EML6: variants seen among roughly 807,000 people sequenced by gnomAD.
EML6 encodes EMAP like 6, also known as echinoderm microtubule-associated protein-like 6.
Under a neutral mutation model 240.1 loss-of-function variants are expected in EML6, and 154 were observed. The observed-to-expected ratio is 0.64, with a 90% CI of 0.56 to 0.73. EML6 has a LOEUF of 0.73. EML6 is among the 30% of genes least tolerant of loss of function. EML6 has a pLI of 0.00. For synonymous variants in EML6, 1,148 were observed against 899.0 expected (o/e 1.28, Z -4.95); for missense variants, 2,964 against 2,474.6 (o/e 1.20, Z -4.20).
chr2:54,951,119 T>C (rs542210152), intron 30 of EML6, among the ~76,000 whole-genome samples: 9 of 152,288 alleles, frequency 5.9e-5, no homozygotes, highest in African/African-American at 2.2e-4. Flanking sequence ...CATGAAGAAA[T>C]CACAGAACTT....
In EML6 at chr2:54,922,436, T is replaced by G. The variant is rs142399463; in HGVS notation, c.3675+5501T>G. On this transcript the variant is annotated intron_variant, in intron 26 of 41. Transcript: ENST00000356458. ...GGAAGGGAACCCTTGTACACTGTTA[T>G]GCCCACCAACAGTGTACAAATTGGT... 1.3e-3 allele frequency among the ~76,000 whole-genome samples: 191 copies of G among 152,256 alleles called. 3 individuals carry two copies. The highest frequency in any genetic ancestry group is 8.9e-3 in the Admixed American group (136 of 15,298).
intron 13 of EML6, among the ~76,000 whole-genome samples, chr2:54,865,426 T>C (rs1670921732): frequency 6.6e-6 from 1 of 151,936 alleles, no homozygotes; most frequent in South Asian, 2.1e-4. Context: ...TACAAGCCAC[T>C]GTACTCCAGT....
intron 7 of EML6, among the ~76,000 whole-genome samples, chr2:54,831,197 T>G (rs1668852259): frequency 6.6e-6 from 1 of 152,204 alleles, no homozygotes. Context: ...CAGATGGGAT[T>G]AGTGACCATA....
chr2:54,799,637 C>T (rs1670014000), intron 2 of EML6, among the ~76,000 whole-genome samples: 1 of 152,196 alleles, frequency 6.6e-6, no homozygotes, highest in Admixed American at 6.5e-5. Flanking sequence ...ACCATCGTGC[C>T]CAGCTGTGCA....
chr2:54,913,070 T>TG (rs1169190457), intron 25 of EML6, among the ~76,000 whole-genome samples: 6 of 115,524 alleles, frequency 5.2e-5, no homozygotes, highest in Admixed American at 4.7e-4. Context: ...TGCCAGATTC[T>TG]GTTTTTTTTT....
chr2:54,903,032 A>T lies in EML6; in HGVS notation c.3125-12A>T, dbSNP rs1484812510. 2 of 1,544,138 alleles carry T rather than the reference A, an allele frequency of 1.3e-6. No homozygotes were observed. Among genetic ancestry groups the T allele is most frequent in the African/African-American group, 1.4e-5 (1 of 72,614 alleles). On this transcript the variant is annotated splice_polypyrimidine_tract_variant and intron_variant, in intron 22 of 41. Transcript: ENST00000356458. ...TTTGGATAATAAGTGTTTTTTGTGG[A>T]TTCTTCTGTAGGTGGAAGATGCTGT...
chr2:54,762,325 C>T (rs887450805), intron 2 of EML6, among the ~76,000 whole-genome samples: 2 of 152,088 alleles, frequency 1.3e-5, no homozygotes, highest in African/African-American at 2.4e-5. Context: ...CAGAACATCA[C>T]GGATGGGAAT....
intron 7 of EML6, among the ~76,000 whole-genome samples, 184 bp from the exon 8 acceptor site, chr2:54,843,863 A>G (rs920561460): frequency 2.2e-5 from 3 of 136,476 alleles, no homozygotes; most frequent in Non-Finnish European, 3.2e-5. Flanking sequence ...AAAAAAAAAA[A>G]GCACAAAGAA....
intron 25 of EML6, among the ~76,000 whole-genome samples, chr2:54,911,581 C>T (rs1362967902): frequency 6.6e-6 from 1 of 152,084 alleles, no homozygotes; most frequent in Non-Finnish European, 1.5e-5. Context: ...AGGCATCTGC[C>T]ACCACACCCA....
intron 2 of EML6, among the ~76,000 whole-genome samples, chr2:54,801,239 C>T (rs1388789361): frequency 2.0e-5 from 3 of 148,152 alleles, no homozygotes; most frequent in Admixed American, 6.8e-5. Context: ...AGAGTGAATC[C>T]GGGAGGTGGA....
chr2:54,899,570 G>C, intron 21 of EML6, 71 bp from the exon 22 acceptor site: 3 of 1,454,538 alleles, frequency 2.1e-6, no homozygotes, highest in Non-Finnish European at 2.8e-6. Flanking sequence ...TGAATATGTA[G>C]CACCAGGCTA....
In EML6 at chr2:54,970,289, A is replaced by T. The variant is rs1676933846; in HGVS notation, c.*194A>T. 1 of 615,068 alleles carries T rather than the reference A, an allele frequency of 1.6e-6. No individual in the cohort carries two copies. The highest frequency in any genetic ancestry group is 1.8e-5 in the African/African-American group (1 of 54,134). 38.1% of individuals were successfully genotyped at this position (615,068 alleles called of 1,614,324 possible). On this transcript the variant is annotated 3_prime_UTR_variant, in exon 42 of 42. Transcript: ENST00000356458. Reference sequence around the variant, plus strand: ...GACTCTCCAAAACCGTGATGCCACGAAGGAAGGTCAAGTTTTAAAATGTTA... The same window carrying T: ...GACTCTCCAAAACCGTGATGCCACGTAGGAAGGTCAAGTTTTAAAATGTTA...
chr2:54,863,943 C>T (rs949362496), intron 13 of EML6, 54 bp downstream of exon 13: 3 of 983,262 alleles, frequency 3.1e-6, no homozygotes, highest in African/African-American at 3.3e-5. Context: ...GATCTCATTC[C>T]TGGATTTGGA....
At chr2:54,937,627 C>A (rs1300879455) in intron 28 of EML6, among the ~76,000 whole-genome samples, 1 of 149,646 alleles carries the variant, frequency 6.7e-6, no homozygotes, top group East Asian at 2.0e-4. Flanking sequence ...TGCCTTAGCT[C>A]CAACTTAGTG....
intron 28 of EML6, among the ~76,000 whole-genome samples, chr2:54,946,925 T>TG (rs1400739839): frequency 2.0e-5 from 3 of 150,778 alleles, no homozygotes; most frequent in Non-Finnish European, 4.4e-5. Context: ...AAAATCAAGG[T>TG]GAAAAAAAAA....
chr2:54,894,657 GC>G (rs1433259030), intron 19 of EML6, among the ~76,000 whole-genome samples: 1 of 152,184 alleles, frequency 6.6e-6, no homozygotes, highest in East Asian at 1.9e-4. Context: ...TGATCAGTGG[GC>G]CAGCTGCCAA....
chr2:54,799,514 T>A (rs1473673404), intron 2 of EML6, among the ~76,000 whole-genome samples: 1 of 152,020 alleles, frequency 6.6e-6, no homozygotes, highest in Non-Finnish European at 1.5e-5. Flanking sequence ...CCCAGCTAAT[T>A]TTTGTATTTT....
At chr2:54,830,766 C>T (rs1017686113) in intron 7 of EML6, among the ~76,000 whole-genome samples, 1 of 152,166 alleles carries the variant, frequency 6.6e-6, no homozygotes, top group South Asian at 2.1e-4. Flanking sequence ...TATTGTACTT[C>T]CTGTTTATAC....
In EML6 at chr2:54,909,197, C is replaced by T. The variant is rs532072297; in HGVS notation, c.3410-1757C>T. Among the ~76,000 whole-genome samples the T allele has an allele frequency of 7.9e-4, 121 of 152,252 alleles. 1 individual carries two copies. Among genetic ancestry groups the T allele is most frequent in the African/African-American group, 2.9e-3 (119 of 41,542 alleles). Reference sequence around the variant, plus strand: ...TCAAAGAATGTGTTCACTGAATAACCGTCCACGTGCTTTGTCATTTGCAAT... The same window carrying T: ...TCAAAGAATGTGTTCACTGAATAACTGTCCACGTGCTTTGTCATTTGCAAT... On this transcript the variant is annotated intron_variant, in intron 24 of 41. Transcript: ENST00000356458.
Sources: gnomAD v4.1 joint callset for allele counts (sites outside exome capture counted in the v4.1 genomes callset) on GRCh38, gnomAD v4.1.1 for gene constraint, MANE v1.5 for transcripts, NCBI Gene and HGNC (gene_info 2026-07-23, HGNC 2026-07-21) for gene names.